PCBP2: variants seen among roughly 807,000 people sequenced by gnomAD.
The protein encoded by PCBP2 is poly(rC)-binding protein 2.
A neutral mutation model predicts 50.1 loss-of-function variants in PCBP2; 4 were observed. The ratio of observed to expected loss-of-function variants is 0.08; its 90% CI spans 0.04 to 0.18. The LOEUF (loss-of-function observed/expected upper bound fraction) is 0.18, where lower values mean the gene tolerates loss of function less well. PCBP2 is among the 10% of genes least tolerant of loss of function. The probability of loss-of-function intolerance (pLI) is 1.00; values close to 1 mark genes in which losing one functional copy is unlikely to be tolerated. For missense variants in PCBP2, 161 were observed against 474.3 expected (o/e 0.34, Z 6.14); for synonymous variants, 179 against 168.0 (o/e 1.07, Z -0.51).
chr12:53,461,786 T>G (rs1941465289), intron 7 of PCBP2, among the ~76,000 whole-genome samples: 1 of 152,190 alleles, frequency 6.6e-6, no homozygotes, highest in South Asian at 2.1e-4. Flanking sequence ...ATCGGCTCAC[T>G]GCAACCTCTG....
intron 14 of PCBP2, among the ~76,000 whole-genome samples, chr12:53,473,763 GTTT>G (rs34942612): frequency 6.2e-5 from 9 of 144,960 alleles, no homozygotes; most frequent in African/African-American, 1.3e-4. Flanking sequence ...AAGTCAAAGG[GTTT>G]TTTTTTTTTT....
chr12:53,456,362 A>AT (rs1341128188), intron 5 of PCBP2, among the ~76,000 whole-genome samples: 2 of 151,030 alleles, frequency 1.3e-5, no homozygotes, highest in East Asian at 3.9e-4. Context: ...GGAGGCTGAG[A>AT]TAGGAGAAAC....
chr12:53,456,850 A>G (rs964360257), intron 5 of PCBP2, among the ~76,000 whole-genome samples: 3 of 152,070 alleles, frequency 2.0e-5, no homozygotes, highest in African/African-American at 7.2e-5. Context: ...CAGTTGGGCA[A>G]TTGATATCAC....
chr12:53,454,962 C>T, intron 2 of PCBP2, 93 bp downstream of exon 2: 1 of 1,040,988 alleles, frequency 9.6e-7, no homozygotes, highest in South Asian at 1.3e-5. Context: ...CAGATTAGCA[C>T]TGTGGGGCAT....
Position 53,479,668 on chromosome 12 carries a change from C to CTGGTTTTTTTT in PCBP2, c.*228_*238dup. On this transcript the variant is annotated 3_prime_UTR_variant, in exon 15 of 15. Transcript: ENST00000546463. ...CATATTTAGTTTTATAAGCTTCTCCCTGGTTTTTTTTTTTTGGCTCATGAA... is the reference window on the plus strand; with the variant it reads ...CATATTTAGTTTTATAAGCTTCTCCCTGGTTTTTTTTTGGTTTTTTTTTTTTGGCTCATGAA... The CTGGTTTTTTTT allele has an allele frequency of 7.4e-6, 1 of 135,326 alleles. No homozygotes were observed. The highest frequency in any genetic ancestry group is 3.7e-5 in the African/African-American group (1 of 26,884). 8.4% of individuals were successfully genotyped at this position (135,326 alleles called of 1,614,324 possible).
At position 53,465,989 on chromosome 12, in the gene PCBP2, ACTT is replaced by A. The variant is rs752111016; in HGVS notation, c.714+20_714+22del. Reference sequence around the variant, plus strand: ...ACAGCCAGATGTAAGTTTTGTTTTCACTTCTTGTTTTGAAAAGCTCCCTCTCCC... The same window carrying A: ...ACAGCCAGATGTAAGTTTTGTTTTCACTTGTTTTGAAAAGCTCCCTCTCCC... On this transcript the variant is annotated intron_variant, in intron 10 of 14. Coordinates refer to ENST00000546463, the MANE Select transcript of PCBP2 (RefSeq NM_031989.5). 1.7e-5 allele frequency: 28 copies of A among 1,612,554 alleles called. No homozygotes were observed. In the African/African-American group the frequency reaches 3.6e-4, roughly 21 times the overall value.
chr12:53,455,067 A>T (rs1365568894), intron 2 of PCBP2, among the ~76,000 whole-genome samples, 198 bp downstream of exon 2: 2 of 152,328 alleles, frequency 1.3e-5, no homozygotes, highest in Non-Finnish European at 2.9e-5. Context: ...GGAAAGGCAT[A>T]ATTAGAGGCT....
At chr12:53,455,822 A>G in intron 4 of PCBP2, 63 bp from the exon 5 acceptor site, 1 of 1,097,052 alleles carries the variant, frequency 9.1e-7, no homozygotes, top group Non-Finnish European at 1.4e-6. Context: ...AAGGGACTGT[A>G]GATCCTGTAC....
chr12:53,454,558 C>G (rs1056858467), intron 1 of PCBP2, 168 bp from the exon 2 acceptor site: 1 of 512,678 alleles, frequency 2.0e-6, no homozygotes, highest in Non-Finnish European at 3.6e-6. Flanking sequence ...GTAACAGAAC[C>G]TGAGCTGTAT....
At chr12:53,470,073 G>T (rs951218307) in intron 13 of PCBP2, among the ~76,000 whole-genome samples, 4 of 151,870 alleles carry the variant, frequency 2.6e-5, no homozygotes, top group Non-Finnish European at 5.9e-5. Context: ...AGAAGCTAAA[G>T]CCTTATCTTT....
chr12:53,471,581 T>A (rs1942242126), intron 13 of PCBP2, 57 bp from the exon 14 acceptor site: 1 of 1,488,716 alleles, frequency 6.7e-7, no homozygotes, highest in South Asian at 1.3e-5. Context: ...GGTGGGATTC[T>A]TAGACCTAGC....
intron 6 of PCBP2, chr12:53,460,090 AAAC>A (rs768259991): frequency 3.0e-5 from 7 of 235,912 alleles, no homozygotes; most frequent in Non-Finnish European, 5.3e-5. Context: ...CCAGACTTAT[AAAC>A]AACAAGGAGA....
At chr12:53,475,244 GTAT>G (rs756376156) in intron 14 of PCBP2, 2 of 437,120 alleles carry the variant, frequency 4.6e-6, no homozygotes, top group South Asian at 3.2e-5. Context: ...ACCTCCTCCA[GTAT>G]TATTTTGTTC....
intron 4 of PCBP2, 108 bp downstream of exon 4, chr12:53,455,601 AT>A (rs1040173672): frequency 4.5e-5 from 53 of 1,181,674 alleles, no homozygotes; most frequent in Admixed American, 1.2e-4. Context: ...GGAAATATGT[AT>A]TTTTTTTCGG....
intron 9 of PCBP2, 118 bp from the exon 10 acceptor site, chr12:53,465,814 G>T (rs2137068974): frequency 1.3e-6 from 1 of 767,906 alleles, no homozygotes; most frequent in South Asian, 1.6e-5. Context: ...TCAATCTCTG[G>T]CCTCCCCCAT....
rs1038735873 is a variant in PCBP2, at chr12:53,471,521, C to G, written c.883-117C>G. On this transcript the variant is annotated intron_variant, in intron 13 of 14. Transcript: ENST00000546463. ...CTGAGGTTGCACAGTGAGCCAAGAT[C>G]AGGCCACTGCACTCCAGCCTGGCCA... The G allele has an allele frequency of 7.4e-6, 7 of 942,186 alleles. 1 individual carries two copies. Among genetic ancestry groups the G allele is most frequent in the African/African-American group, 1.8e-5 (1 of 54,614 alleles). 58.4% of individuals were successfully genotyped at this position (942,186 alleles called of 1,614,324 possible).
intron 8 of PCBP2, among the ~76,000 whole-genome samples, chr12:53,463,759 G>A (rs1227227225): frequency 2.6e-5 from 4 of 152,200 alleles, no homozygotes; most frequent in African/African-American, 4.8e-5. Context: ...AAGCAAGTGC[G>A]TTGCTCAAAA....
intron 13 of PCBP2, 90 bp downstream of exon 13, chr12:53,468,922 T>TTTC: frequency 1.0e-6 from 1 of 973,890 alleles, no homozygotes; most frequent in East Asian, 2.4e-5. Context: ...CTACCCTTTT[T>TTTC]TTTTTTTTTT....
In PCBP2 at chr12:53,454,764, A is replaced by G; in HGVS notation, c.-37A>G. 1.9e-6 allele frequency: 3 copies of G among 1,583,780 alleles called. No individual in the cohort carries two copies. Among genetic ancestry groups the G allele is most frequent in the Non-Finnish European group, 2.6e-6 (3 of 1,152,464 alleles). On this transcript the variant is annotated 5_prime_UTR_variant, in exon 2 of 15. Transcript: ENST00000546463. The stretch of plus-strand genomic sequence containing the variant: ...CCCCCAACCAGTGACCAAAGACTTG[A>G]CCACTCAAAGTCCAGCTCCCCAGAA...
Sources: gnomAD v4.1 joint callset for allele counts (sites outside exome capture counted in the v4.1 genomes callset) on GRCh38, gnomAD v4.1.1 for gene constraint, MANE v1.5 for transcripts, NCBI Gene and HGNC (gene_info 2026-07-23, HGNC 2026-07-21) for gene names.